The following MTMR3 variants were observed in gnomAD, a reference collection of about 807,000 sequenced individuals.
MTMR3 encodes myotubularin related protein 3.
In MTMR3, 32 loss-of-function variants were observed where a neutral mutation model predicts 132.4. That is an observed-to-expected ratio of 0.24 (90% CI 0.18 to 0.32). The LOEUF (loss-of-function observed/expected upper bound fraction) is 0.32, where lower values mean the gene tolerates loss of function less well. Ranked by LOEUF, MTMR3 falls within the 10% of genes least tolerant of loss-of-function variation. The probability of loss-of-function intolerance (pLI) is 1.00; values close to 1 mark genes in which losing one functional copy is unlikely to be tolerated. For missense variants in MTMR3, 1,216 were observed against 1,489.6 expected, an observed-to-expected ratio of 0.82 and a Z score of 3.02; for synonymous variants, 556 against 550.3, an observed-to-expected ratio of 1.01 and a Z score of -0.14.
Position 30,022,656 on chromosome 22 carries a change from C to G in MTMR3, c.3384C>G (p.Cys1128Trp). Residue 1128 changes from cysteine to tryptophan, a missense_variant, in exon 19 of 20, where the codon TGC becomes TGG. This residue lies in a region of MTMR3 where 852 missense variants were observed against 852.0 expected (regional missense o/e 1.00). Transcript: ENST00000401950. Reference protein sequence around the residue: ...PDHLAAHCYACDSAFWLASRK... With the variant: ...PDHLAAHCYAWDSAFWLASRK... ...ACCTGGCCGCCCACTGCTATGCGTG[C>G]GACAGTGCCTTCTGGCTTGCCAGCA... is the stretch of plus-strand genomic sequence containing the variant. 1 of 1,612,016 alleles carries G rather than the reference C, an allele frequency of 6.2e-7. No homozygotes were observed. Among genetic ancestry groups the G allele is most frequent in the Non-Finnish European group, 8.5e-7 (1 of 1,179,980 alleles).
intron 1 of MTMR3, among the ~76,000 whole-genome samples, chr22:29,888,783 T>C (rs1226148595): frequency 6.8e-6 from 1 of 146,186 alleles, no homozygotes; most frequent in African/African-American, 2.5e-5. Context: ...TTTTTTTTTT[T>C]TTTTTTTTGA....
chr22:30,013,767 T>C (rs2067495451), intron 14 of MTMR3: 1 of 402,472 alleles, frequency 2.5e-6, no homozygotes, highest in East Asian at 5.4e-5. Flanking sequence ...TAAACTTAGT[T>C]TTTTTTTAAA....
At chr22:29,906,978 C>T (rs1438870389) in intron 1 of MTMR3, among the ~76,000 whole-genome samples, 5 of 151,524 alleles carry the variant, frequency 3.3e-5, no homozygotes, top group Non-Finnish European at 5.9e-5. Context: ...CTCGGGAGGC[C>T]GAGGCAGGAG....
At chr22:29,916,264 G>C (rs114128003) in intron 1 of MTMR3, among the ~76,000 whole-genome samples, 2,864 of 152,288 alleles carry the variant, frequency 0.019, 88 homozygotes, top group African/African-American at 0.065. Context: ...GTAAACTCTG[G>C]TAGTTGTGTT....
At chr22:29,951,464 G>A (rs923882721) in intron 1 of MTMR3, among the ~76,000 whole-genome samples, 10 of 152,122 alleles carry the variant, frequency 6.6e-5, no homozygotes, top group African/African-American at 2.4e-4. Context: ...ACATGGTCAG[G>A]GCTGCCTCCT....
chr22:29,912,629 A>T (rs2065235717), intron 1 of MTMR3, among the ~76,000 whole-genome samples: 3 of 152,174 alleles, frequency 2.0e-5, no homozygotes, highest in African/African-American at 7.2e-5. Context: ...TTCAAAGTCC[A>T]GTTCTTCTTT....
At chr22:29,889,540 G>T (rs1021541885) in intron 1 of MTMR3, among the ~76,000 whole-genome samples, 1 of 151,670 alleles carries the variant, frequency 6.6e-6, no homozygotes, top group Non-Finnish European at 1.5e-5. Flanking sequence ...GCCTGCCTTC[G>T]CCTCCCAAAG....
intron 1 of MTMR3, among the ~76,000 whole-genome samples, chr22:29,915,852 T>G (rs1294479410): frequency 4.6e-5 from 7 of 152,196 alleles, no homozygotes. Context: ...TTTTCTGTCA[T>G]TTTTTGAATG....
intron 1 of MTMR3, among the ~76,000 whole-genome samples, chr22:29,936,148 C>T (rs1317177691): frequency 6.6e-6 from 1 of 152,146 alleles, no homozygotes; most frequent in Non-Finnish European, 1.5e-5. Flanking sequence ...TATTCTGTAG[C>T]CTACAATCGT....
intron 1 of MTMR3, among the ~76,000 whole-genome samples, chr22:29,891,544 G>T (rs1463929151): frequency 6.6e-6 from 1 of 151,884 alleles, no homozygotes; most frequent in Non-Finnish European, 1.5e-5. Flanking sequence ...TGATTCTTGC[G>T]CCTCAGCCAC....
rs1434175329 is a variant in MTMR3 at position 30,019,760 on chromosome 22, A to C, written c.2101A>C (p.Ser701Arg). Reference sequence around the variant, plus strand: ...CTTGCAGGAGGCCACCAAAGAGGAGAGTGGAGTAGAGGAACCTGCCCACAG... The same window carrying C: ...CTTGCAGGAGGCCACCAAAGAGGAGCGTGGAGTAGAGGAACCTGCCCACAG... ...NILQEATKEESGVEEPAHRAG... is the reference protein window; with the variant it reads ...NILQEATKEERGVEEPAHRAG... The change falls in exon 17 of 20, where the codon AGT (serine) becomes CGT (arginine). Residue 701 changes from serine to arginine, a missense_variant. By Grantham distance (110) the Ser-to-Arg change is moderately radical. Around this residue, in one of 7 missense-constraint regions of MTMR3, gnomAD observed 852 missense variants for 852.0 expected, o/e 1.00. Transcript: ENST00000401950. The C allele has an allele frequency of 6.2e-7, 1 of 1,614,066 alleles. No individual in the cohort carries two copies. The highest frequency in any genetic ancestry group is 1.7e-5 in the Admixed American group (1 of 60,026).
At position 29,958,055 on chromosome 22, in the gene MTMR3, C is replaced by G. The variant is rs141620450; in HGVS notation, c.-85+967C>G. Among the ~76,000 whole-genome samples, 680 of 152,080 alleles carry G rather than the reference C, an allele frequency of 4.5e-3. 6 individuals carry two copies. Among genetic ancestry groups the G allele is most frequent in the African/African-American group, 0.015 (642 of 41,500 alleles). On this transcript the variant is annotated intron_variant, in intron 2 of 19. Transcript: ENST00000401950. ...GTAGTTTCAGGGATCCACAGGGGGT[C>G]TTGGAACATATTCCCCGAGGATAAG...
intron 1 of MTMR3, among the ~76,000 whole-genome samples, chr22:29,904,765 G>A (rs1290832263): frequency 2.0e-5 from 3 of 152,134 alleles, no homozygotes; most frequent in Non-Finnish European, 2.9e-5. Context: ...TAAGTAGCAA[G>A]GGGAGTTGAT....
Position 29,960,999 on chromosome 22 carries a change from A to G in MTMR3, c.-85+3911A>G, listed in dbSNP as rs1026084909. Among the ~76,000 whole-genome samples, 12 of 152,178 alleles carry G rather than the reference A, an allele frequency of 7.9e-5. No homozygotes were observed. In the East Asian group the frequency reaches 2.1e-3, roughly 27 times the overall value. ...GAAGGTAGATTGTTAACCATTATAT[A>G]GTTTTTTGTGTATGTATAAACATAC... On this transcript the variant is annotated intron_variant, in intron 2 of 19. Transcript: ENST00000401950.
intron 8 of MTMR3, 46 bp from the exon 9 acceptor site, chr22:30,002,826 TCTCTCTCC>T: frequency 1.5e-6 from 2 of 1,355,492 alleles, no homozygotes. Flanking sequence ...TCTCCCGTTT[TCTCTCTCC>T]CTCTCTTATC....
At chr22:29,977,524 T>C (rs2066653232) in intron 3 of MTMR3, among the ~76,000 whole-genome samples, 1 of 152,222 alleles carries the variant, frequency 6.6e-6, no homozygotes, top group African/African-American at 2.4e-5. Context: ...TGAAGGATAG[T>C]CTTTCATATA....
intron 1 of MTMR3, among the ~76,000 whole-genome samples, chr22:29,909,491 A>T (rs2065165720): frequency 6.6e-6 from 1 of 152,150 alleles, no homozygotes; most frequent in Non-Finnish European, 1.5e-5. Context: ...TGACTTGGGC[A>T]AGTTACCTTA....
intron 3 of MTMR3, among the ~76,000 whole-genome samples, chr22:29,975,653 C>T (rs1318002780): frequency 1.3e-5 from 2 of 152,132 alleles, no homozygotes; most frequent in Non-Finnish European, 1.5e-5. Context: ...CAGGCTTGAC[C>T]GTAGTGGCGC....
intron 5 of MTMR3, chr22:29,982,463 A>G (rs1019581604): frequency 1.3e-5 from 2 of 152,098 alleles, no homozygotes; most frequent in African/African-American, 4.8e-5. Flanking sequence ...GTGTATTTCA[A>G]TAAAATGTTA....
Sources: allele counts gnomAD v4.1 joint callset (sites outside exome capture counted in the v4.1 genomes callset), GRCh38; gene constraint gnomAD v4.1.1; regional missense constraint gnomAD v4.1.1; transcripts MANE v1.5; gene names NCBI Gene and HGNC (gene_info 2026-07-23, HGNC 2026-07-21).